The following JAM3 variants were observed in gnomAD, a reference collection of about 807,000 sequenced individuals.
JAM3 encodes junctional adhesion molecule 3, also known as junctional adhesion molecule C.
JAM3 carries 31 observed loss-of-function variants against 39.4 expected under a neutral mutation model. That is an observed-to-expected ratio of 0.79 (90% confidence interval 0.59 to 1.06). The LOEUF is 1.06. Among genes scored for constraint, JAM3 ranks in the 50% least tolerant of loss-of-function variants. The probability of loss-of-function intolerance (pLI) is 0.00; values close to 1 mark genes in which losing one functional copy is unlikely to be tolerated. For synonymous variants in JAM3, 182 were observed against 148.7 expected, an observed-to-expected ratio of 1.22 and a Z score of -1.63; for missense variants, 455 against 391.4, an observed-to-expected ratio of 1.16 and a Z score of -1.37.
chr11:134,122,213 T>C (rs1355118486), intron 1 of JAM3, among the ~76,000 whole-genome samples: 1 of 152,146 alleles, frequency 6.6e-6, no homozygotes, highest in Non-Finnish European at 1.5e-5. Context: ...TGAGACAAGG[T>C]CCCGGTCTGT....
At chr11:134,146,250 CCTT>C (rs1325889437) in intron 6 of JAM3, among the ~76,000 whole-genome samples, 8 of 152,198 alleles carry the variant, frequency 5.3e-5, no homozygotes, top group African/African-American at 1.7e-4. Context: ...CAAAACAAAA[CCTT>C]CTGGGATCTG....
chr11:134,102,968 C>T (rs564957534), intron 1 of JAM3, among the ~76,000 whole-genome samples: 1 of 152,222 alleles, frequency 6.6e-6, no homozygotes, highest in South Asian at 2.1e-4. Context: ...ACTTCCCCAA[C>T]CTAGCAAGGC....
chr11:134,138,417 A>G lies in JAM3; in HGVS notation c.77-1434A>G, dbSNP rs544455041. Among the ~76,000 whole-genome samples, 117 of 58,310 alleles carry G rather than the reference A, an allele frequency of 2.0e-3. 37 individuals carry two copies. Among genetic ancestry groups the G allele is most frequent in the African/African-American group, 0.012 (104 of 8,568 alleles). 38.3% of individuals were successfully genotyped at this position (58,310 alleles called of 152,430 possible). A position where few individuals can be genotyped will look rare whatever the true frequency, so the allele number is the denominator to read the frequency against. On this transcript the variant is annotated intron_variant, in intron 1 of 8. Coordinates refer to ENST00000299106, the MANE Select transcript of JAM3 (RefSeq NM_032801.5). ...GTCTCGTCGAAGTCGTGGTGCTCAT[A>G]CTGGAAGAAATGTTTATGGCCAATA...
chr11:134,144,763 T>C, intron 4 of JAM3, 29 bp from the exon 5 acceptor site: 1 of 1,562,714 alleles, frequency 6.4e-7, no homozygotes, highest in African/African-American at 1.8e-5. Flanking sequence ...GTCACTGAGA[T>C]CTTAAACACC....
At chr11:134,114,646 T>C (rs1322526269) in intron 1 of JAM3, among the ~76,000 whole-genome samples, 1 of 152,212 alleles carries the variant, frequency 6.6e-6, no homozygotes, top group Non-Finnish European at 1.5e-5. Context: ...TTCCAAACAT[T>C]AGGATTTTTC....
intron 1 of JAM3, among the ~76,000 whole-genome samples, chr11:134,121,735 A>G (rs1942535948): frequency 6.6e-6 from 1 of 152,124 alleles, no homozygotes; most frequent in South Asian, 2.1e-4. Flanking sequence ...TGCTTTATAC[A>G]TCCTTCTCCT....
intron 1 of JAM3, among the ~76,000 whole-genome samples, chr11:134,129,009 G>T (rs1244460084): frequency 6.6e-6 from 1 of 152,132 alleles, no homozygotes; most frequent in South Asian, 2.1e-4. Context: ...CAAGGTGCTG[G>T]CAGGGTTGGT....
chr11:134,140,108 G>GCTGT (rs1289869487), intron 2 of JAM3, among the ~76,000 whole-genome samples, 192 bp downstream of exon 2: 2 of 152,340 alleles, frequency 1.3e-5, no homozygotes, highest in African/African-American at 4.8e-5. Context: ...TTTTCCATCA[G>GCTGT]CTGTCATCGC....
intron 1 of JAM3, among the ~76,000 whole-genome samples, chr11:134,116,851 G>T (rs1212516010): frequency 1.3e-5 from 2 of 151,902 alleles, no homozygotes; most frequent in Admixed American, 6.6e-5. Flanking sequence ...GTTTATAGTG[G>T]TATGTCTGAC....
At chr11:134,098,773 C>G (rs1199055688) in intron 1 of JAM3, among the ~76,000 whole-genome samples, 3 of 152,116 alleles carry the variant, frequency 2.0e-5, no homozygotes, top group Non-Finnish European at 4.4e-5. Context: ...TGGAGCTCCA[C>G]CTGCTGATAC....
At chr11:134,144,142 C>G (rs1042120706) in intron 3 of JAM3, 99 bp from the exon 4 acceptor site, 2 of 1,135,962 alleles carry the variant, frequency 1.8e-6, no homozygotes, top group Non-Finnish European at 2.7e-6. Flanking sequence ...CTGCAGGCTT[C>G]CTTGCTGTGG....
chr11:134,118,781 C>G (rs1306807487), intron 1 of JAM3, among the ~76,000 whole-genome samples: 1 of 152,124 alleles, frequency 6.6e-6, no homozygotes, highest in South Asian at 2.1e-4. Context: ...CAATAATTTC[C>G]TCCCCATGAT....
chr11:134,102,763 A>G (rs1381156475), intron 1 of JAM3, among the ~76,000 whole-genome samples: 2 of 152,372 alleles, frequency 1.3e-5, no homozygotes, highest in East Asian at 3.9e-4. Flanking sequence ...AAAGGGTATC[A>G]GTGATTGAAG....
chr11:134,145,565 G>A (rs534693336), intron 5 of JAM3: 4 of 344,464 alleles, frequency 1.2e-5, no homozygotes, highest in Non-Finnish European at 2.2e-5. Context: ...GTTCTCTCCT[G>A]GGAGGTACCT....
At chr11:134,095,852 T>C (rs998827767) in intron 1 of JAM3, among the ~76,000 whole-genome samples, 1 of 152,202 alleles carries the variant, frequency 6.6e-6, no homozygotes, top group Admixed American at 6.5e-5. Flanking sequence ...TGTTGTCATC[T>C]AAGATTCAGA....
At chr11:134,148,138 G>T (rs959212249) in intron 6 of JAM3, 2 of 242,396 alleles carry the variant, frequency 8.3e-6, no homozygotes, top group Non-Finnish European at 1.6e-5. Context: ...TTTCTTCCCC[G>T]CAGCAATCTG....
intron 1 of JAM3, among the ~76,000 whole-genome samples, chr11:134,104,436 C>G (rs1304126036): frequency 6.6e-6 from 1 of 151,996 alleles, no homozygotes; most frequent in Non-Finnish European, 1.5e-5. Flanking sequence ...CCTAACATCA[C>G]AATTAAAAGA....
At chr11:134,137,112 CAAA>C (rs1167572520) in intron 1 of JAM3, among the ~76,000 whole-genome samples, 15 of 85,186 alleles carry the variant, frequency 1.8e-4, no homozygotes, top group South Asian at 3.7e-4. Flanking sequence ...GACTCTGTCT[CAAA>C]AAAAAAAAAA....
intron 1 of JAM3, among the ~76,000 whole-genome samples, chr11:134,105,076 C>T (rs1411352361): frequency 2.6e-5 from 4 of 152,176 alleles, no homozygotes; most frequent in Admixed American, 2.6e-4. Context: ...ACCAATATCC[C>T]TGATCAACAT....
Sources: gnomAD v4.1 joint callset for allele counts (sites outside exome capture counted in the v4.1 genomes callset) on GRCh38, gnomAD v4.1.1 for gene constraint, MANE v1.5 for transcripts, NCBI Gene and HGNC (gene_info 2026-07-23, HGNC 2026-07-21) for gene names.